STON2: variants seen among roughly 807,000 people sequenced by gnomAD.
STON2 encodes the protein stonin 2.
Under a neutral mutation model 65.7 loss-of-function variants are expected in STON2, and 29 were observed. The ratio of observed to expected loss-of-function variants is 0.44; its 90% CI spans 0.33 to 0.60. The LOEUF (loss-of-function observed/expected upper bound fraction) is 0.60, where lower values mean the gene tolerates loss of function less well. Ranked by LOEUF, STON2 falls within the 20% of genes least tolerant of loss-of-function variation. STON2 has a pLI of 0.03. For missense variants in STON2, 1,054 were observed against 1,118.1 expected (o/e 0.94, Z 0.82); for synonymous variants, 404 against 414.2 (o/e 0.98, Z 0.30).
intron 5 of STON2, among the ~76,000 whole-genome samples, chr14:81,318,588 C>T (rs1486277138): frequency 6.6e-6 from 1 of 152,180 alleles, no homozygotes; most frequent in Non-Finnish European, 1.5e-5. Context: ...TGGTAGCTCA[C>T]GTTTGTAATT....
intron 5 of STON2, among the ~76,000 whole-genome samples, chr14:81,317,443 C>T (rs1896666755): frequency 6.6e-6 from 1 of 152,308 alleles, no homozygotes; most frequent in Middle Eastern, 3.4e-3. Context: ...AATTAGTGGC[C>T]TAAAATAAAG....
chr14:81,427,033 T>A (rs554503833), intron 2 of STON2: 1 of 152,316 alleles, frequency 6.6e-6, no homozygotes, highest in African/African-American at 2.4e-5. Context: ...ATAATCCTCA[T>A]AACCCTATGA....
chr14:81,380,043 ACG>A (rs1256272749), intron 3 of STON2, among the ~76,000 whole-genome samples: 1 of 152,168 alleles, frequency 6.6e-6, no homozygotes, highest in Non-Finnish European at 1.5e-5. Context: ...GAAACTATCA[ACG>A]GAGTAAACAG....
intron 2 of STON2, among the ~76,000 whole-genome samples, chr14:81,417,880 AT>A (rs1209194587): frequency 1.3e-5 from 2 of 152,146 alleles, no homozygotes; most frequent in African/African-American, 2.4e-5. Flanking sequence ...AGAGAGAGAG[AT>A]AGAAAAACCA....
intron 4 of STON2, among the ~76,000 whole-genome samples, chr14:81,336,757 T>G (rs1400449403): frequency 6.6e-6 from 1 of 152,080 alleles, no homozygotes; most frequent in Admixed American, 6.6e-5. Context: ...TAGGACTATC[T>G]CCTCACCATC....
chr14:81,370,902 G>A, intron 4 of STON2, 86 bp downstream of exon 4: 5 of 1,273,584 alleles, frequency 3.9e-6, no homozygotes, highest in Non-Finnish European at 5.5e-6. Flanking sequence ...GAAGCCAGCT[G>A]CAGCAATTTT....
At chr14:81,271,997 G>A (rs1015565865) in intron 6 of STON2, among the ~76,000 whole-genome samples, 1 of 152,168 alleles carries the variant, frequency 6.6e-6, no homozygotes, top group African/African-American at 2.4e-5. Flanking sequence ...GCCGAGGCAG[G>A]TGGATCACGA....
chr14:81,402,721 T>C (rs1900667145), upstream of STON2, among the ~76,000 whole-genome samples: 1 of 152,178 alleles, frequency 6.6e-6, no homozygotes, highest in African/African-American at 2.4e-5. Context: ...CCAATCCCAC[T>C]GCCAATGCCT....
chr14:81,276,322 T>C (rs929413258), intron 6 of STON2, among the ~76,000 whole-genome samples: 2 of 152,266 alleles, frequency 1.3e-5, no homozygotes, highest in African/African-American at 4.8e-5. Flanking sequence ...CTGGCCCTTT[T>C]AGAAATTCAT....
At chr14:81,415,396 G>A (rs79622891) in intron 2 of STON2, among the ~76,000 whole-genome samples, 3,969 of 152,066 alleles carry the variant, frequency 0.026, 86 homozygotes, top group African/African-American at 0.051. Context: ...TCTGACGTCT[G>A]AGACTGTTCA....
chr14:81,261,301 C>T lies in STON2; in HGVS notation c.*7113G>A, dbSNP rs1250432368. 2 of 152,320 alleles carry T rather than the reference C, an allele frequency of 1.3e-5. No individual in the cohort carries two copies. Among genetic ancestry groups the T allele is most frequent in the African/African-American group, 4.8e-5 (2 of 41,426 alleles). The allele number at this position is 152,320 out of a possible 1,614,324, so 9.4% of individuals were successfully genotyped here. ...GTCATGGTGTGGGGCTAGACAGCAT[C>T]CCCAACTAGAATTGAGGGTTTGATC... is the stretch of plus-strand genomic sequence containing the variant. On this transcript the variant is annotated 3_prime_UTR_variant, in exon 8 of 8. Coordinates refer to ENST00000614646, the MANE Select transcript of STON2 (RefSeq NM_001394390.1).
chr14:81,284,074 G>A (rs1895239178), intron 5 of STON2, among the ~76,000 whole-genome samples: 1 of 152,194 alleles, frequency 6.6e-6, no homozygotes, highest in African/African-American at 2.4e-5. Context: ...TAAAATGTGT[G>A]TGTTCTGGGC....
chr14:81,401,072 C>T (rs916885387), upstream of STON2, among the ~76,000 whole-genome samples: 2 of 152,294 alleles, frequency 1.3e-5, no homozygotes, highest in Non-Finnish European at 1.5e-5. Context: ...ACTCGCCCAA[C>T]GTTGCGTAAC....
In STON2 at chr14:81,311,131, T is replaced by C. The variant is rs570678174; in HGVS notation, c.742+12886A>G. Reference sequence around the variant, plus strand: ...ACTTAGATGACCACTTCTTGGACAATAGAGCTGAATTTATATTCTTTTTTG... The same window carrying C: ...ACTTAGATGACCACTTCTTGGACAACAGAGCTGAATTTATATTCTTTTTTG... On this transcript the variant is annotated intron_variant, in intron 5 of 7. Transcript: ENST00000614646. 2.3e-4 allele frequency among the ~76,000 whole-genome samples: 35 copies of C among 152,264 alleles called. No individual in the cohort carries two copies. In the South Asian group the frequency reaches 3.1e-3, roughly 14 times the overall value.
Position 81,398,334 on chromosome 14 carries a change from A to G in STON2, c.49T>C (p.Ser17Pro). The part of the protein sequence containing the change: ...VIATHQSEWV[S>P]FNEEPPFPAH... ...GGAAAGGGTGGCTCTTCATTGAAGG[A>G]GACCCATTCTGACTGGTGGGTGGCA... Residue 17 changes from serine to proline, a missense_variant, in exon 2 of 8, where the codon TCC becomes CCC. By Grantham distance (74) the Ser-to-Pro change is moderately conservative (BLOSUM62 -1). Transcript: ENST00000614646. 1 of 1,614,080 alleles carries G rather than the reference A, an allele frequency of 6.2e-7. No individual in the cohort carries two copies. Among genetic ancestry groups the G allele is most frequent in the Non-Finnish European group, 8.5e-7 (1 of 1,179,968 alleles).
intron 4 of STON2, among the ~76,000 whole-genome samples, chr14:81,334,523 T>C (rs1372620985): frequency 2.0e-5 from 3 of 152,010 alleles, no homozygotes; most frequent in African/African-American, 7.3e-5. Context: ...AACTAGAATT[T>C]TAGGCCCAGG....
chr14:81,282,645 A>C (rs1479099450), intron 5 of STON2, among the ~76,000 whole-genome samples: 1 of 152,196 alleles, frequency 6.6e-6, no homozygotes, highest in Non-Finnish European at 1.5e-5. Flanking sequence ...AGGTGATTTA[A>C]AAAATTCGAA....
At chr14:81,427,725 A>G (rs1179376109) in intron 1 of STON2, among the ~76,000 whole-genome samples, 3 of 151,362 alleles carry the variant, frequency 2.0e-5, no homozygotes. Context: ...GAAAAAAAAA[A>G]AGAGAGAGAG....
At chr14:81,419,705 C>G (rs1901610267) in intron 2 of STON2, among the ~76,000 whole-genome samples, 1 of 152,182 alleles carries the variant, frequency 6.6e-6, no homozygotes, top group African/African-American at 2.4e-5. Context: ...CTCCACTGGC[C>G]CATGATCCTC....
Sources: allele counts gnomAD v4.1 joint callset (sites outside exome capture counted in the v4.1 genomes callset), GRCh38; gene constraint gnomAD v4.1.1; transcripts MANE v1.5; gene names NCBI Gene and HGNC (gene_info 2026-07-23, HGNC 2026-07-21).